The following PROX2 variants were observed in gnomAD, a reference collection of about 807,000 sequenced individuals.
PROX2 encodes prospero homeobox 2.
PROX2 carries 46 observed loss-of-function variants against 48.9 expected under a neutral mutation model. The observed-to-expected ratio is 0.94, with a 90% CI of 0.74 to 1.20. The LOEUF is 1.20. Among genes scored for constraint, PROX2 ranks in the 50% most tolerant of loss-of-function variants. The pLI is 0.00. For missense variants in PROX2, 663 were observed against 719.4 expected (o/e 0.92, Z 0.90); for synonymous variants, 260 against 276.6 (o/e 0.94, Z 0.60).
chr14:74,854,136 C>G lies in PROX2; in HGVS notation c.*996G>C. The G allele has an allele frequency of 5.7e-6, 2 of 351,166 alleles. No individual in the cohort carries two copies. The highest frequency in any genetic ancestry group is 1.2e-5 in the Non-Finnish European group (2 of 173,414). 21.8% of individuals were successfully genotyped at this position (351,166 alleles called of 1,614,324 possible). A position where few individuals can be genotyped will look rare whatever the true frequency, so the allele number is the denominator to read the frequency against. On this transcript the variant is annotated 3_prime_UTR_variant, in exon 6 of 6. Transcript: ENST00000556489. ...CATGGGCCAGATGATCTCCTAAGGC[C>G]CTTTCTACCTTTCACAGTCTGAAGT...
At position 74,862,718 on chromosome 14, in the gene PROX2, G is replaced by T; in HGVS notation, c.1117C>A (p.Pro373Thr). ...GGTCGTAGGGCAGGCTCTGAGGAGGGGTGCCTCTGGGAAGATGAGTCCTGG... is the reference window on the plus strand; with the variant it reads ...GGTCGTAGGGCAGGCTCTGAGGAGGTGTGCCTCTGGGAAGATGAGTCCTGG... Reference protein sequence around the residue: ...PPQDSSSQRHPSSEPALRPWR... With the variant: ...PPQDSSSQRHTSSEPALRPWR... The change falls in exon 3 of 6, where the codon CCC becomes ACC. Residue 373 changes from proline (P) to threonine (T), a missense_variant. Transcript: ENST00000556489. The T allele has an allele frequency of 6.2e-7, 1 of 1,613,978 alleles. No homozygotes were observed. The highest frequency in any genetic ancestry group is 1.1e-5 in the South Asian group (1 of 91,080).
rs548560782 is a variant in PROX2, at chr14:74,868,782, G to A, written c.-175+2321C>T. 5.3e-5 allele frequency among the ~76,000 whole-genome samples: 8 copies of A among 151,870 alleles called. No homozygotes were observed. In the East Asian group the frequency reaches 1.6e-3, roughly 30 times the overall value. Reference sequence around the variant, plus strand: ...AACCCAGGGGGGCGGAGCCTGCAGTGAGCCGAGATCACGCCACTGCACTCC... The same window carrying A: ...AACCCAGGGGGGCGGAGCCTGCAGTAAGCCGAGATCACGCCACTGCACTCC... On this transcript the variant is annotated intron_variant, in intron 2 of 5. Coordinates refer to ENST00000556489, the MANE Select transcript of PROX2 (RefSeq NM_001243007.2).
At chr14:74,861,752 G>GA (rs1299608485) in intron 3 of PROX2, among the ~76,000 whole-genome samples, 9 of 152,120 alleles carry the variant, frequency 5.9e-5, no homozygotes, top group Admixed American at 5.9e-4. Flanking sequence ...AATCCCCGAG[G>GA]AAAACTCCTT....
At chr14:74,866,181 C>T (rs976735856) in intron 2 of PROX2, among the ~76,000 whole-genome samples, 6 of 152,024 alleles carry the variant, frequency 3.9e-5, no homozygotes, top group African/African-American at 1.4e-4. Context: ...TTGTTTGAAT[C>T]CAGGAGGTGG....
In PROX2 at chr14:74,858,530, G is replaced by T; in HGVS notation, c.1306-16C>A. On this transcript the variant is annotated splice_polypyrimidine_tract_variant and intron_variant, in intron 3 of 5. Coordinates refer to ENST00000556489, the MANE Select transcript of PROX2 (RefSeq NM_001243007.2). ...CCTCCTGGATTTATCTCAGTGTCAA[G>T]GAAAATGAACACTTTAAAATGCCAG... 1 of 1,402,496 alleles carries T rather than the reference G, an allele frequency of 7.1e-7. No homozygotes were observed. The highest frequency in any genetic ancestry group is 9.9e-7 in the Non-Finnish European group (1 of 1,011,340). 86.9% of individuals were successfully genotyped at this position (1,402,496 alleles called of 1,614,324 possible). A position where few individuals can be genotyped will look rare whatever the true frequency, so the allele number is the denominator to read the frequency against.
Position 74,863,784 on chromosome 14 carries a change from G to T in PROX2, c.51C>A (p.His17Gln), listed in dbSNP as rs1313361868. 6.6e-7 allele frequency: 1 copy of T among 1,524,166 alleles called. No homozygotes were observed. The highest frequency in any genetic ancestry group is 2.3e-5 in the East Asian group (1 of 44,072). 94.4% of individuals were successfully genotyped at this position (1,524,166 alleles called of 1,614,324 possible). ...LLSPQPQICS[H>Q]LAEACTEGER... ...CGCCTTCCGTACAAGCTTCTGCTAGGTGGGAGCAGATCTGGGGCTGAGGAG... is the reference window on the plus strand; with the variant it reads ...CGCCTTCCGTACAAGCTTCTGCTAGTTGGGAGCAGATCTGGGGCTGAGGAG... Residue 17 changes from histidine to glutamine, a missense_variant, in exon 3 of 6, where the codon CAC becomes CAA. Coordinates refer to ENST00000556489, the MANE Select transcript of PROX2 (RefSeq NM_001243007.2).
chr14:74,871,367 T>G (rs1883211052), intron 1 of PROX2, 130 bp from the exon 2 acceptor site: 2 of 152,180 alleles, frequency 1.3e-5, no homozygotes, highest in African/African-American at 4.8e-5. Flanking sequence ...GAAGCAAATT[T>G]AGCTACAAAC....
Position 74,863,285 on chromosome 14 carries a change from G to A in PROX2, c.550C>T (p.Arg184Cys), listed in dbSNP as rs768044735. Residue 184 changes from arginine to cysteine, a missense_variant, in exon 3 of 6, where the codon CGC becomes TGC. By Grantham distance (180) the Arg-to-Cys change is radical. Transcript: ENST00000556489. ...SAKQGNGCGP[R>C]PWVVDGDHQQ... is the part of the protein sequence containing the mutation. ...TGGTCACCGTCCACAACCCAGGGGC[G>A]AGGCCCACAGCCATTCCCCTGCTTT... The A allele has an allele frequency of 2.4e-5, 39 of 1,613,966 alleles. No individual in the cohort carries two copies. The South Asian group carries it at 3.3e-4, about 14-fold the overall frequency.
chr14:74,853,466 ACTGG>A lies in PROX2; in HGVS notation c.*1662_*1665del, dbSNP rs1275868901. On this transcript the variant is annotated 3_prime_UTR_variant, in exon 6 of 6. Coordinates refer to ENST00000556489, the MANE Select transcript of PROX2 (RefSeq NM_001243007.2). ...AGATCTTCTGAGTGCAATTGGATGT[ACTGG>A]AGGGCACTTAACCTTTAGCCTGTAA... 2.0e-5 allele frequency: 3 copies of A among 152,200 alleles called. No homozygotes were observed. The highest frequency in any genetic ancestry group is 2.9e-5 in the Non-Finnish European group (2 of 68,038). The allele number at this position is 152,200 out of a possible 1,614,324, so 9.4% of individuals were successfully genotyped here.
intron 2 of PROX2, among the ~76,000 whole-genome samples, chr14:74,868,273 T>C (rs1883114820): frequency 6.9e-6 from 1 of 144,330 alleles, no homozygotes; most frequent in Admixed American, 7.1e-5. Flanking sequence ...TTTGCCAAGC[T>C]CTTTTCTCCA....
intron 1 of PROX2, among the ~76,000 whole-genome samples, chr14:74,875,056 G>A (rs1396862821): frequency 6.6e-6 from 1 of 152,114 alleles, no homozygotes; most frequent in Non-Finnish European, 1.5e-5. Flanking sequence ...GAGGCAGGGA[G>A]AATTGCTTGA....
intron 2 of PROX2, among the ~76,000 whole-genome samples, chr14:74,869,244 G>T (rs1223272109): frequency 6.6e-6 from 1 of 152,022 alleles, no homozygotes; most frequent in Non-Finnish European, 1.5e-5. Flanking sequence ...CCAACTGACT[G>T]GGGGTAGAGA....
In PROX2 at chr14:74,861,762, T is replaced by C. The variant is rs574067625; in HGVS notation, c.1305+768A>G. Among the ~76,000 whole-genome samples the C allele has an allele frequency of 2.0e-5, 3 of 152,314 alleles. No individual in the cohort carries two copies. The South Asian group carries it at 6.2e-4, about 32-fold the overall frequency. ...GGTTTAATCCCCGAGGAAAACTCCT[T>C]TTCCATTTGGCCCAGAAGTTTCTTG... On this transcript the variant is annotated intron_variant, in intron 3 of 5. Transcript: ENST00000556489.
Position 74,863,069 on chromosome 14 carries a change from G to A in PROX2, c.766C>T (p.Leu256=). 1 of 1,613,946 alleles carries A rather than the reference G, an allele frequency of 6.2e-7. No homozygotes were observed. The highest frequency in any genetic ancestry group is 8.5e-7 in the Non-Finnish European group (1 of 1,179,846). ...ACCTGCCCCTGGAAGCTTCTGCCCA[G>A]CTGAGTCAGGTGGCCTGGTGGATCC... is the stretch of plus-strand genomic sequence containing the variant. ...LLDPPGHLTQ[L]GRSFQGQVAE... The change falls in exon 3 of 6, where the codon CTG becomes TTG. Residue 256 remains leucine (L), a synonymous_variant. Coordinates refer to ENST00000556489, the MANE Select transcript of PROX2 (RefSeq NM_001243007.2).
At chr14:74,868,346 T>C (rs1883124072) in intron 2 of PROX2, among the ~76,000 whole-genome samples, 1 of 128,052 alleles carries the variant, frequency 7.8e-6, no homozygotes, top group Non-Finnish European at 1.6e-5. Context: ...TATATATATA[T>C]ATATATATAT....
intron 3 of PROX2, among the ~76,000 whole-genome samples, chr14:74,861,978 T>G (rs946349211): frequency 2.0e-5 from 3 of 152,198 alleles, no homozygotes; most frequent in Non-Finnish European, 2.9e-5. Context: ...GAAGCCTATT[T>G]GAGTCTCAAA....
intron 2 of PROX2, among the ~76,000 whole-genome samples, chr14:74,870,385 A>T (rs1883179846): frequency 6.8e-6 from 1 of 146,698 alleles, no homozygotes; most frequent in South Asian, 2.2e-4. Context: ...TGATTGCGCC[A>T]CTGCACTCTA....
intron 5 of PROX2, 103 bp from the exon 6 acceptor site, chr14:74,855,405 G>A: frequency 1.1e-6 from 1 of 896,822 alleles, no homozygotes; most frequent in Non-Finnish European, 1.6e-6. Context: ...TGGGTAGTGG[G>A]CTAGGAGCAT....
At position 74,874,897 on chromosome 14, in the gene PROX2, C is replaced by T. The variant is rs192298052; in HGVS notation, c.-310+998G>A. On this transcript the variant is annotated intron_variant, in intron 1 of 5. Coordinates refer to ENST00000556489, the MANE Select transcript of PROX2 (RefSeq NM_001243007.2). The stretch of plus-strand genomic sequence containing the variant: ...GGGTGGCTCACGCCTGTCATCCCAG[C>T]GCTTTGGGAGGCTGAGATGGGTAGA... 2.8e-3 allele frequency among the ~76,000 whole-genome samples: 421 copies of T among 152,266 alleles called. 8 individuals carry two copies. The South Asian group carries it at 0.03, about 11-fold the overall frequency.
Sources: allele counts gnomAD v4.1 joint callset (sites outside exome capture counted in the v4.1 genomes callset), GRCh38; gene constraint gnomAD v4.1.1; transcripts MANE v1.5; gene names NCBI Gene and HGNC (gene_info 2026-07-23, HGNC 2026-07-21).